The following MED13 variants were observed in gnomAD, a reference collection of about 807,000 sequenced individuals.
MED13 encodes mediator of RNA polymerase II transcription subunit 13.
Under a neutral mutation model 225.2 loss-of-function variants are expected in MED13, and 23 were observed. The ratio of observed to expected loss-of-function variants is 0.10; its 90% CI spans 0.07 to 0.14. The LOEUF is 0.14. Among genes scored for constraint, MED13 ranks in the 10% least tolerant of loss-of-function variants. MED13 has a pLI of 1.00. For missense variants in MED13, 2,197 were observed against 2,594.5 expected (o/e 0.85, Z 3.33); for synonymous variants, 942 against 889.2 (o/e 1.06, Z -1.06).
Position 61,983,065 on chromosome 17 carries a change from T to A in MED13, c.2938A>T (p.Thr980Ser). 2.5e-6 allele frequency: 4 copies of A among 1,613,494 alleles called. No individual in the cohort carries two copies. Among genetic ancestry groups the A allele is most frequent in the Non-Finnish European group, 3.4e-6 (4 of 1,179,742 alleles). The change falls in exon 16 of 30, where the codon ACT becomes TCT. Residue 980 changes from threonine to serine, a missense_variant. This residue lies in a region of MED13 where 160 missense variants were observed against 184.8 expected (regional missense o/e 0.87). Transcript: ENST00000397786. ...QEYGTAYTPQ[T>S]HTSFGMPPSS... ...GGAGGCATCCCAAAAGAAGTATGAG[T>A]TTGAGGTGTATAAGCAGTGCCATAT...
chr17:62,064,851 T>C (rs576087457), intron 1 of MED13, among the ~76,000 whole-genome samples: 1 of 152,030 alleles, frequency 6.6e-6, no homozygotes, highest in African/African-American at 2.4e-5. Flanking sequence ...GAGGGAAAGG[T>C]TACTGTCCTG....
At chr17:62,050,485 T>C (rs924218995) in intron 3 of MED13, among the ~76,000 whole-genome samples, 3 of 151,384 alleles carry the variant, frequency 2.0e-5, no homozygotes, top group Middle Eastern at 3.2e-3. Context: ...ATTTCAATGG[T>C]AGGCTGTTGT....
intron 2 of MED13, among the ~76,000 whole-genome samples, chr17:62,052,952 C>T (rs1389303671): frequency 6.6e-6 from 1 of 152,134 alleles, no homozygotes; most frequent in Non-Finnish European, 1.5e-5. Flanking sequence ...TTATAAAATT[C>T]AATGACATCA....
At chr17:62,054,638 T>C (rs929617853) in intron 2 of MED13, among the ~76,000 whole-genome samples, 2 of 152,188 alleles carry the variant, frequency 1.3e-5, no homozygotes, top group Non-Finnish European at 2.9e-5. Context: ...AGAATCTCAA[T>C]TGATCTGCTT....
At chr17:62,002,964 T>C (rs115903202) in intron 9 of MED13, among the ~76,000 whole-genome samples, 6 of 152,324 alleles carry the variant, frequency 3.9e-5, no homozygotes, top group African/African-American at 1.4e-4. Context: ...TGTAAGATAT[T>C]TAGCAGCATC....
In MED13 at chr17:61,968,439, C is replaced by T. The variant is rs1250531744; in HGVS notation, c.3968-181G>A. The stretch of plus-strand genomic sequence containing the variant: ...CTCCCGCGTTCACGCCATTTTCCTG[C>T]CTCAGCCTCCTGAGTAGCTGGGACT... On this transcript the variant is annotated intron_variant, in intron 17 of 29. Coordinates refer to ENST00000397786, the MANE Select transcript of MED13 (RefSeq NM_005121.3). 2.0e-5 allele frequency among the ~76,000 whole-genome samples: 3 copies of T among 152,308 alleles called. No homozygotes were observed. In the East Asian group the frequency reaches 5.8e-4, roughly 29 times the overall value.
chr17:62,055,220 C>A (rs555022916), intron 2 of MED13, among the ~76,000 whole-genome samples: 2 of 151,762 alleles, frequency 1.3e-5, no homozygotes, highest in Admixed American at 1.3e-4. Flanking sequence ...CATGGCAAAA[C>A]CCCATTTCTA....
In MED13 at chr17:62,063,213, G is replaced by T. The variant is rs2081055399; in HGVS notation, c.155C>A (p.Pro52His). The T allele has an allele frequency of 6.2e-7, 1 of 1,614,006 alleles. No homozygotes were observed. The highest frequency in any genetic ancestry group is 8.5e-7 in the Non-Finnish European group (1 of 1,180,028). ...GCAGCGACTAAAACTGCTCAAAATG[G>T]GGTCTTCTTCTGTCACAGGAAACAG... ...PILFPVTEED[P>H]ILSSFSRCLK... The change falls in exon 2 of 30, where the codon CCC becomes CAC. Residue 52 changes from proline (P) to histidine (H), a missense_variant. Transcript: ENST00000397786.
intron 2 of MED13, 66 bp downstream of exon 2, chr17:62,063,001 A>T: frequency 8.0e-7 from 1 of 1,252,628 alleles, no homozygotes; most frequent in Non-Finnish European, 1.1e-6. Flanking sequence ...TGTAATACAT[A>T]TGACATTCTG....
At position 62,011,051 on chromosome 17, in the gene MED13, T is replaced by C. The variant is rs1199798969; in HGVS notation, c.1466A>G (p.Asp489Gly). ...AAGTCTTTGGCTGGCTGAATCTGCGTCCATGCCAACATCATCACTAACAGA... is the reference window on the plus strand; with the variant it reads ...AAGTCTTTGGCTGGCTGAATCTGCGCCCATGCCAACATCATCACTAACAGA... The part of the protein sequence containing the change: ...RVSVSDDVGM[D>G]ADSASQRLVI... The change falls in exon 9 of 30, where the codon GAC becomes GGC. Residue 489 changes from aspartate (D) to glycine (G), a missense_variant. Asp to Gly is a moderately conservative substitution (Grantham distance 94, BLOSUM62 -1). Around this residue, in one of 12 missense-constraint regions of MED13, gnomAD observed 884 missense variants for 918.5 expected, o/e 0.96. Coordinates refer to ENST00000397786, the MANE Select transcript of MED13 (RefSeq NM_005121.3). The C allele has an allele frequency of 1.2e-6, 2 of 1,614,104 alleles. No homozygotes were observed. Among genetic ancestry groups the C allele is most frequent in the Admixed American group, 3.3e-5 (2 of 60,012 alleles).
intron 3 of MED13, among the ~76,000 whole-genome samples, chr17:62,050,642 TG>T (rs2080948793): frequency 6.6e-6 from 1 of 152,204 alleles, no homozygotes; most frequent in Admixed American, 6.5e-5. Context: ...ATCTATTCAT[TG>T]GGGCTCAGGA....
intron 17 of MED13, 124 bp from the exon 18 acceptor site, chr17:61,968,382 G>C (rs2080077928): frequency 2.9e-6 from 2 of 678,672 alleles, no homozygotes; most frequent in Non-Finnish European, 4.3e-6. Context: ...CTGGAGTGCA[G>C]TGGCGCCATC....
chr17:61,948,968 G>C (rs1013960144), intron 28 of MED13, among the ~76,000 whole-genome samples: 6 of 149,958 alleles, frequency 4.0e-5, no homozygotes, highest in Admixed American at 2.0e-4. Flanking sequence ...GGCGCCTGTA[G>C]TCCCAGCTAC....
intron 20 of MED13, among the ~76,000 whole-genome samples, chr17:61,963,764 A>G (rs933850404): frequency 9.9e-5 from 15 of 152,150 alleles, no homozygotes; most frequent in African/African-American, 3.6e-4. Context: ...TTACCCACAT[A>G]TGAGTATAAT....
At chr17:62,059,890 G>A (rs2081024747) in intron 2 of MED13, among the ~76,000 whole-genome samples, 1 of 152,122 alleles carries the variant, frequency 6.6e-6, no homozygotes, top group Admixed American at 6.5e-5. Flanking sequence ...CACTGACTAT[G>A]CAAACTAAAA....
rs763149438 is a variant in MED13, at chr17:61,946,324, C to G, written c.*144G>C. ...ATAGCAGGGTTATAGCCCCTCCCCC[C>G]AAGTCAAAACAATATTTGTTGAAGT... On this transcript the variant is annotated 3_prime_UTR_variant, in exon 30 of 30. Transcript: ENST00000397786. 6.2e-6 allele frequency: 6 copies of G among 972,090 alleles called. No individual in the cohort carries two copies. Among genetic ancestry groups the G allele is most frequent in the Non-Finnish European group, 8.9e-6 (6 of 677,364 alleles). The allele number at this position is 972,090 out of a possible 1,614,324, so 60.2% of individuals were successfully genotyped here.
At chr17:62,037,920 C>A (rs2080818635) in intron 3 of MED13, among the ~76,000 whole-genome samples, 2 of 121,192 alleles carry the variant, frequency 1.7e-5, no homozygotes, top group Non-Finnish European at 3.2e-5. Flanking sequence ...CTTGCCACTG[C>A]ACTTCAGCCT....
chr17:62,055,028 T>A (rs2080985453), intron 2 of MED13, among the ~76,000 whole-genome samples: 1 of 152,146 alleles, frequency 6.6e-6, no homozygotes, highest in African/African-American at 2.4e-5. Context: ...TTTGTCTCCT[T>A]CGCAAAAATA....
At chr17:61,992,740 G>T in intron 10 of MED13, 119 bp from the exon 11 acceptor site, 1 of 520,624 alleles carries the variant, frequency 1.9e-6, no homozygotes, top group Admixed American at 4.3e-5. Context: ...CATTATCACT[G>T]ATTCTTACAG....
Sources: allele counts gnomAD v4.1 joint callset (sites outside exome capture counted in the v4.1 genomes callset), GRCh38; gene constraint gnomAD v4.1.1; regional missense constraint gnomAD v4.1.1; transcripts MANE v1.5; gene names NCBI Gene and HGNC (gene_info 2026-07-23, HGNC 2026-07-21).